Variants in HDAC9 observed in about 807,000 individuals in gnomAD.
The protein encoded by HDAC9 is histone deacetylase 9.
In HDAC9, 41 loss-of-function variants were observed where a neutral mutation model predicts 139.4. The ratio of observed to expected loss-of-function variants is 0.29; its 90% CI spans 0.23 to 0.38. The LOEUF (loss-of-function observed/expected upper bound fraction) is 0.38. Among genes scored for constraint, HDAC9 ranks in the 10% least tolerant of loss-of-function variants. The pLI is 1.00. For missense variants in HDAC9, 1,147 were observed against 1,297.0 expected (o/e 0.88, Z 1.78); for synonymous variants, 517 against 476.2 (o/e 1.09, Z -1.12).
At chr7:18,901,548 G>A (rs1801724868) in intron 22 of HDAC9, among the ~76,000 whole-genome samples, 1 of 152,014 alleles carries the variant, frequency 6.6e-6, no homozygotes, top group Admixed American at 6.6e-5. Context: ...GCCTGTAGGG[G>A]ATCCCACCCC....
intron 14 of HDAC9, among the ~76,000 whole-genome samples, chr7:18,754,759 A>C (rs1207047506): frequency 6.6e-6 from 1 of 152,126 alleles, no homozygotes; most frequent in Non-Finnish European, 1.5e-5. Flanking sequence ...GTGGAGAGCA[A>C]GTTTAGTGCA....
chr7:18,961,040 T>C (rs1783495154), intron 24 of HDAC9, among the ~76,000 whole-genome samples: 1 of 152,188 alleles, frequency 6.6e-6, no homozygotes, highest in Admixed American at 6.6e-5. Flanking sequence ...TAACTCAAAC[T>C]CAGTTTTTCC....
At chr7:18,975,151 T>C (rs1185540571) in intron 24 of HDAC9, among the ~76,000 whole-genome samples, 2 of 152,190 alleles carry the variant, frequency 1.3e-5, no homozygotes, top group African/African-American at 4.8e-5. Flanking sequence ...TTTCCTCTCT[T>C]TCTCCTTTCC....
intron 2 of HDAC9, among the ~76,000 whole-genome samples, chr7:18,213,481 G>A (rs899414110): frequency 3.9e-5 from 6 of 152,110 alleles, no homozygotes; most frequent in Admixed American, 1.3e-4. Flanking sequence ...TATTAATGTG[G>A]TAGTTCTTGG....
chr7:18,633,155 T>G (rs1258082833), intron 7 of HDAC9, among the ~76,000 whole-genome samples: 1 of 151,994 alleles, frequency 6.6e-6, no homozygotes, highest in Non-Finnish European at 1.5e-5. Flanking sequence ...GTCACAAACT[T>G]AGGTGAATGT....
intron 22 of HDAC9, among the ~76,000 whole-genome samples, chr7:18,876,646 C>G (rs1024083057): frequency 1.3e-5 from 2 of 151,396 alleles, no homozygotes; most frequent in African/African-American, 4.9e-5. Flanking sequence ...TTGCATGAGG[C>G]ATTTTCTGTA....
At chr7:18,261,001 C>G (rs1396144869) in intron 2 of HDAC9, among the ~76,000 whole-genome samples, 1 of 152,122 alleles carries the variant, frequency 6.6e-6, no homozygotes, top group Non-Finnish European at 1.5e-5. Flanking sequence ...TGCTGGACAA[C>G]TTTATCATTA....
At chr7:18,665,904 A>G (rs1371926347) in intron 11 of HDAC9, among the ~76,000 whole-genome samples, 3 of 152,124 alleles carry the variant, frequency 2.0e-5, no homozygotes, top group African/African-American at 4.8e-5. Context: ...CAGGGTTTCC[A>G]TGGATAGTTT....
At chr7:18,457,926 A>G (rs1379775337) in intron 1 of HDAC9, among the ~76,000 whole-genome samples, 3 of 152,188 alleles carry the variant, frequency 2.0e-5, no homozygotes, top group Non-Finnish European at 4.4e-5. Context: ...ACACACGTGT[A>G]TGCAAATGCA....
At chr7:18,848,527 C>T (rs564159837) in intron 21 of HDAC9, among the ~76,000 whole-genome samples, 15 of 151,764 alleles carry the variant, frequency 9.9e-5, no homozygotes, top group Non-Finnish European at 1.6e-4. Context: ...TATGGGTGCA[C>T]GCAGCGAGAT....
chr7:18,958,417 A>G (rs1325068008), intron 24 of HDAC9, among the ~76,000 whole-genome samples: 1 of 152,152 alleles, frequency 6.6e-6, no homozygotes, highest in Non-Finnish European at 1.5e-5. Context: ...TAGCACTCCC[A>G]TGTACTTTGT....
chr7:18,675,696 A>G (rs1781459469), intron 12 of HDAC9, among the ~76,000 whole-genome samples: 1 of 152,070 alleles, frequency 6.6e-6, no homozygotes, highest in East Asian at 1.9e-4. Flanking sequence ...AAATGGCAAT[A>G]TGTATACGGC....
intron 1 of HDAC9, among the ~76,000 whole-genome samples, chr7:18,130,401 A>C (rs1001416273): frequency 6.6e-6 from 1 of 152,050 alleles, no homozygotes; most frequent in African/African-American, 2.4e-5. Context: ...CATAGTGCCC[A>C]ATTCCCCAAA....
At chr7:18,915,814 C>T (rs967967301) in intron 22 of HDAC9, among the ~76,000 whole-genome samples, 2 of 151,626 alleles carry the variant, frequency 1.3e-5, no homozygotes, top group African/African-American at 4.8e-5. Context: ...ATCACTTTTT[C>T]TCTATTTATG....
chr7:18,619,660 C>G (rs1839680561), intron 6 of HDAC9, among the ~76,000 whole-genome samples: 1 of 152,092 alleles, frequency 6.6e-6, no homozygotes, highest in Non-Finnish European at 1.5e-5. Flanking sequence ...GAGAAGGAGC[C>G]AGAAGAGAGA....
At chr7:18,426,365 A>C (rs1342796537) in intron 1 of HDAC9, among the ~76,000 whole-genome samples, 2 of 152,224 alleles carry the variant, frequency 1.3e-5, no homozygotes, top group Non-Finnish European at 2.9e-5. Context: ...TGCAGTTTTT[A>C]ATCTTAGAAG....
intron 1 of HDAC9, among the ~76,000 whole-genome samples, chr7:18,150,558 C>T (rs1183513979): frequency 6.6e-6 from 1 of 152,138 alleles, no homozygotes; most frequent in Non-Finnish European, 1.5e-5. Flanking sequence ...CTTCTCTTAT[C>T]TCTGGAGTGC....
intron 12 of HDAC9, among the ~76,000 whole-genome samples, chr7:18,689,456 G>C (rs1178917757): frequency 6.6e-6 from 1 of 151,956 alleles, no homozygotes; most frequent in Non-Finnish European, 1.5e-5. Context: ...TAAAGGCAAA[G>C]AGGAAGAAAA....
chr7:18,425,556 C>A (rs1313193130), intron 1 of HDAC9, among the ~76,000 whole-genome samples: 3 of 152,124 alleles, frequency 2.0e-5, no homozygotes, highest in Non-Finnish European at 2.9e-5. Context: ...AAGTCTTTGG[C>A]ATATTTTAAC....
Sources: allele counts gnomAD v4.1 joint callset (sites outside exome capture counted in the v4.1 genomes callset), GRCh38; gene constraint gnomAD v4.1.1; transcripts MANE v1.5; gene names NCBI Gene and HGNC (gene_info 2026-07-23, HGNC 2026-07-21).